The following ZNF394 variants were observed in gnomAD, a reference collection of about 807,000 sequenced individuals.
ZNF394 encodes the protein zinc finger protein 394, also known as zinc finger protein 99.
In ZNF394, 19 loss-of-function variants were observed where a neutral mutation model predicts 21.8. The observed-to-expected ratio is 0.87, with a 90% confidence interval of 0.61 to 1.28. The LOEUF is 1.28. Among genes scored for constraint, ZNF394 ranks in the 50% most tolerant of loss-of-function variants. The pLI, the probability that ZNF394 is intolerant of heterozygous loss-of-function variation, is 0.00. For synonymous variants in ZNF394, 294 were observed against 273.3 expected (o/e 1.08, Z -0.75); for missense variants, 683 against 708.6 (o/e 0.96, Z 0.41).
chr7:99,490,683 C>T (rs1800143840), downstream of ZNF394, among the ~76,000 whole-genome samples: 1 of 150,824 alleles, frequency 6.6e-6, no homozygotes, highest in Admixed American at 6.6e-5. Context: ...CTCCAATGAC[C>T]AGTTCAGACA....
At chr7:99,487,513 A>G (rs1243651503) in intron 1 of ZNF394, 2 of 1,585,688 alleles carry the variant, frequency 1.3e-6, no homozygotes, top group Non-Finnish European at 1.7e-6. Context: ...CAGTCATTGG[A>G]GAACTAGAAC....
intron 2 of ZNF394, 50 bp downstream of exon 2, chr7:99,498,666 C>A (rs758010572): frequency 1.2e-6 from 2 of 1,611,214 alleles, no homozygotes; most frequent in Non-Finnish European, 1.7e-6. Context: ...AGTGAACCAG[C>A]CCTTCACAAA....
downstream of ZNF394, among the ~76,000 whole-genome samples, chr7:99,491,063 G>A (rs181679242): frequency 7.2e-5 from 11 of 152,150 alleles, no homozygotes; most frequent in Admixed American, 2.0e-4. Flanking sequence ...TCTATTACAC[G>A]TGCCCCAGCT....
Position 99,494,058 on chromosome 7 carries a change from T to C in ZNF394, c.1157A>G (p.Tyr386Cys), listed in dbSNP as rs750019483. ...GCTTTTCCCACATTCTTGGCAGCCA[T>C]AGGGTTTCTCACCTGTGTGGATTCT... ...HQRIHTGEKP[Y>C]GCQECGKSFS... The change falls in exon 3 of 3, where the codon TAT becomes TGT. Residue 386 changes from tyrosine to cysteine, a missense_variant. Tyr to Cys is a radical substitution (Grantham distance 194). Transcript: ENST00000337673. The C allele has an allele frequency of 2.5e-6, 4 of 1,614,048 alleles. No homozygotes were observed. The highest frequency in any genetic ancestry group is 2.2e-5 in the South Asian group (2 of 91,088).
intron 1 of ZNF394, among the ~76,000 whole-genome samples, chr7:99,499,181 G>A (rs1800437341): frequency 6.6e-6 from 1 of 151,812 alleles, no homozygotes. Flanking sequence ...TTCGAGACCA[G>A]CCTGGCCAAC....
chr7:99,487,012 C>T (rs1799995280), intron 1 of ZNF394: 3 of 1,614,006 alleles, frequency 1.9e-6, no homozygotes, highest in African/African-American at 2.7e-5. Flanking sequence ...GTGTTTTCGG[C>T]AGCTCGCGTA....
chr7:99,491,754 C>T (rs1416587354), downstream of ZNF394, among the ~76,000 whole-genome samples: 77 of 84,290 alleles, frequency 9.1e-4, no homozygotes, highest in Non-Finnish European at 1.2e-3. Flanking sequence ...CCAGCCTGGG[C>T]GACAGAGAAT....
chr7:99,493,485 G>C lies in ZNF394; in HGVS notation c.*44C>G. On this transcript the variant is annotated 3_prime_UTR_variant, in exon 3 of 3. Coordinates refer to ENST00000337673, the MANE Select transcript of ZNF394 (RefSeq NM_032164.4). Reference sequence around the variant, plus strand: ...TTGGCCAGGCTGGTTTCAAACTCCTGATCTCAAATGATCTGCCTGCCTTGG... The same window carrying C: ...TTGGCCAGGCTGGTTTCAAACTCCTCATCTCAAATGATCTGCCTGCCTTGG... 4 of 1,481,410 alleles carry C rather than the reference G, an allele frequency of 2.7e-6. No individual in the cohort carries two copies. The highest frequency in any genetic ancestry group is 3.6e-6 in the Non-Finnish European group (4 of 1,097,322). 91.8% of individuals were successfully genotyped at this position (1,481,410 alleles called of 1,614,324 possible). A position where few individuals can be genotyped will look rare whatever the true frequency, so the allele number is the denominator to read the frequency against.
intron 1 of ZNF394, among the ~76,000 whole-genome samples, chr7:99,499,398 G>GAAAAAAAAAAAAAAA (rs376340266): frequency 9.7e-6 from 1 of 103,404 alleles, no homozygotes. Flanking sequence ...AGAACAACAA[G>GAAAAAAAAAAAAAAA]AAAAAAAAAA....
Position 99,500,154 on chromosome 7 carries a change from C to T in ZNF394, c.-61G>A. On this transcript the variant is annotated 5_prime_UTR_variant, in exon 1 of 3. Coordinates refer to ENST00000337673, the MANE Select transcript of ZNF394 (RefSeq NM_032164.4). The stretch of plus-strand genomic sequence containing the variant: ...CTTTTCAGGTGAAGAAAGAGCAAAC[C>T]CAAGGAACTCATCAGCCGTCAACAC... 1.3e-6 allele frequency: 2 copies of T among 1,487,878 alleles called. No homozygotes were observed. The highest frequency in any genetic ancestry group is 1.3e-5 in the South Asian group (1 of 74,316). 92.2% of individuals were successfully genotyped at this position (1,487,878 alleles called of 1,614,324 possible). A position where few individuals can be genotyped will look rare whatever the true frequency, so the allele number is the denominator to read the frequency against.
Position 99,498,805 on chromosome 7 carries a change from G to A in ZNF394, c.494C>T (p.Thr165Ile), listed in dbSNP as rs749065481. The change falls in exon 2 of 3, where the codon ACC becomes ATC. Residue 165 changes from threonine (T) to isoleucine (I), a missense_variant. Coordinates refer to ENST00000337673, the MANE Select transcript of ZNF394 (RefSeq NM_032164.4). ...GTCCAGGCGCTCCCACTCCTCCCAG[G>A]TTAGAGACACAGCCGTGTCCTCGAA... ...VTFEDTAVSL[T>I]WEEWERLDPA... The A allele has an allele frequency of 6.2e-7, 1 of 1,614,026 alleles. No homozygotes were observed. Among genetic ancestry groups the A allele is most frequent in the South Asian group, 1.1e-5 (1 of 91,082 alleles).
In ZNF394 at chr7:99,494,421, T is replaced by C. The variant is rs369524566; in HGVS notation, c.794A>G (p.Asn265Ser). 2.5e-6 allele frequency: 4 copies of C among 1,614,220 alleles called. No individual in the cohort carries two copies. In the African/African-American group the frequency reaches 4.0e-5, roughly 16 times the overall value. The part of the protein sequence containing the change: ...LENSPEAEGL[N>S]SISDVNKNGS... ...ATTCTTATTGACATCTGAGATGCTGTTGAGTCCTTCTGCTTCAGGAGAATT... is the reference window on the plus strand; with the variant it reads ...ATTCTTATTGACATCTGAGATGCTGCTGAGTCCTTCTGCTTCAGGAGAATT... Residue 265 changes from asparagine (N) to serine (S), a missense_variant, in exon 3 of 3, where the codon AAC becomes AGC. Coordinates refer to ENST00000337673, the MANE Select transcript of ZNF394 (RefSeq NM_032164.4).
rs1562895924 is a variant in ZNF394 at position 99,499,701 on chromosome 7, G to C, written c.393C>G (p.Ser131Arg). ...GCACCACGGCCACCGCCTCCTCCCC[G>C]CTCTCTGGGCAGTGCTCTCGCACCC... ...QAWVREHCPESGEEAVAVVRA... is the reference protein window; with the variant it reads ...QAWVREHCPERGEEAVAVVRA... The change falls in exon 1 of 3, where the codon AGC becomes AGG. Residue 131 changes from serine to arginine, a missense_variant. Around this residue, in one of 3 missense-constraint regions of ZNF394, gnomAD observed 402 missense variants for 373.8 expected, o/e 1.08. Transcript: ENST00000337673. The C allele has an allele frequency of 9.9e-6, 16 of 1,612,884 alleles. No homozygotes were observed. Among genetic ancestry groups the C allele is most frequent in the African/African-American group, 1.3e-5 (1 of 75,040 alleles).
intron 2 of ZNF394, chr7:99,497,734 A>G (rs1364520674): frequency 6.6e-6 from 1 of 152,054 alleles, no homozygotes; most frequent in African/African-American, 2.4e-5. Context: ...ATGGTGGGGC[A>G]TAACTGTAAT....
exon 2 of ZNF394, chr7:99,486,813 T>G: frequency 6.2e-7 from 1 of 1,614,226 alleles, no homozygotes; most frequent in Non-Finnish European, 8.5e-7. Context: ...CAAAGTCTTA[T>G]GAATGCAGTG....
At chr7:99,496,812 T>C (rs960882569) in intron 2 of ZNF394, among the ~76,000 whole-genome samples, 2 of 151,162 alleles carry the variant, frequency 1.3e-5, no homozygotes, top group East Asian at 2.0e-4. Context: ...CCTCAAACAA[T>C]CCTCCCATCT....
At chr7:99,487,441 A>G in intron 1 of ZNF394, 1 of 1,614,232 alleles carries the variant, frequency 6.2e-7, no homozygotes. Context: ...GTGGCACACA[A>G]GCTTTATTAA....
At chr7:99,487,084 A>G (rs1005564356) in intron 1 of ZNF394, 1 of 1,613,972 alleles carries the variant, frequency 6.2e-7, no homozygotes, top group Non-Finnish European at 8.5e-7. Flanking sequence ...CAAATGTGAA[A>G]AAACGTTTAG....
In ZNF394 at chr7:99,486,739, G is replaced by A. The variant is rs1799975902; in HGVS notation, n.308C>T. 1 of 1,614,120 alleles carries A rather than the reference G, an allele frequency of 6.2e-7. No individual in the cohort carries two copies. On this transcript the variant is annotated non_coding_transcript_exon_variant, in exon 2 of 2. Coordinates refer to the ZNF394 transcript ENST00000462024. ...AAGGTGGAAGCAGGGCAGATATGAT[G>A]AGGATGGCAAACCCTTCAATCAAAG...
Sources: gnomAD v4.1 joint callset for allele counts (sites outside exome capture counted in the v4.1 genomes callset) on GRCh38, gnomAD v4.1.1 for gene constraint, gnomAD v4.1.1 regional missense constraint, MANE v1.5 for transcripts, NCBI Gene and HGNC (gene_info 2026-07-23, HGNC 2026-07-21) for gene names.